Variants in TRHDE observed in about 807,000 individuals in gnomAD.
TRHDE encodes thyrotropin releasing hormone degrading enzyme.
In TRHDE, 72 loss-of-function variants were observed where a neutral mutation model predicts 125.7. That is an observed-to-expected ratio of 0.57 (90% CI 0.47 to 0.70). The LOEUF is 0.70. Ranked by LOEUF, TRHDE falls within the 30% of genes least tolerant of loss-of-function variation. The pLI is 0.00. For missense variants in TRHDE, 1,110 were observed against 1,327.1 expected (o/e 0.84, Z 2.54); for synonymous variants, 509 against 509.1 (o/e 1.00, Z 0.00).
At chr12:72,325,115 T>C (rs1230823458) in intron 2 of TRHDE, among the ~76,000 whole-genome samples, 4 of 151,854 alleles carry the variant, frequency 2.6e-5, no homozygotes, top group Admixed American at 6.6e-5. Flanking sequence ...TGAAACTCGG[T>C]GGAACTCTTT....
intron 3 of TRHDE, among the ~76,000 whole-genome samples, chr12:72,447,590 C>A (rs931346526): frequency 3.9e-5 from 6 of 152,024 alleles, no homozygotes; most frequent in Admixed American, 6.6e-5. Flanking sequence ...TTTATGAAAC[C>A]CTGATGGTGA....
At chr12:72,328,505 T>TGAG (rs1054104942) in intron 2 of TRHDE, among the ~76,000 whole-genome samples, 4 of 152,130 alleles carry the variant, frequency 2.6e-5, no homozygotes, top group African/African-American at 9.7e-5. Context: ...CATCATGATC[T>TGAG]GAGGAAGATA....
chr12:72,435,663 G>GT (rs1874709631), intron 3 of TRHDE, among the ~76,000 whole-genome samples: 1 of 144,240 alleles, frequency 6.9e-6, no homozygotes, highest in Non-Finnish European at 1.5e-5. Flanking sequence ...TTTTGTCAGA[G>GT]TTTTTTCTAT....
intron 2 of TRHDE, among the ~76,000 whole-genome samples, chr12:72,223,439 G>T (rs1039226546): frequency 6.6e-6 from 1 of 152,096 alleles, no homozygotes; most frequent in African/African-American, 2.4e-5. Flanking sequence ...AATAAAGTAG[G>T]CAGGGAAGAG....
chr12:72,149,244 A>G (rs1566247543), intron 2 of TRHDE, among the ~76,000 whole-genome samples: 1 of 152,150 alleles, frequency 6.6e-6, no homozygotes, highest in Non-Finnish European at 1.5e-5. Flanking sequence ...AAGGTAAGGT[A>G]TGTGATGCGT....
chr12:72,273,198 C>T lies in TRHDE; in HGVS notation c.555C>T (p.Arg185=). 6 of 1,602,772 alleles carry T rather than the reference C, an allele frequency of 3.7e-6. No individual in the cohort carries two copies. The highest frequency in any genetic ancestry group is 5.1e-6 in the Non-Finnish European group (6 of 1,172,002). The change falls in exon 1 of 19, where the codon CGC becomes CGT. Residue 185 remains arginine (R), a synonymous_variant. Transcript: ENST00000261180. This position sits in a 1 kb window ranked among gnomAD's most constrained non-coding sequence, Gnocchi z 5.3. The part of the protein sequence containing the change: ...REPWEPWTQL[R]LSGHLKPLHY... Reference sequence around the variant, plus strand: ...CGTGGGAGCCGTGGACGCAGCTGCGCCTGTCGGGCCACCTGAAGCCGCTGC... The same window carrying T: ...CGTGGGAGCCGTGGACGCAGCTGCGTCTGTCGGGCCACCTGAAGCCGCTGC...
At chr12:72,277,979 A>C (rs1340221683) in intron 1 of TRHDE, among the ~76,000 whole-genome samples, 1 of 152,170 alleles carries the variant, frequency 6.6e-6, no homozygotes, top group Non-Finnish European at 1.5e-5. Flanking sequence ...GCAGTTTTCA[A>C]GAATATAATA....
chr12:72,570,184 G>GAGT (rs1870650837), intron 10 of TRHDE, among the ~76,000 whole-genome samples: 2 of 152,192 alleles, frequency 1.3e-5, no homozygotes, highest in South Asian at 4.1e-4. Flanking sequence ...GATTCAGGAT[G>GAGT]AGTAATTCTG....
chr12:72,470,930 G>T (rs898418708), intron 4 of TRHDE, among the ~76,000 whole-genome samples: 19 of 132,322 alleles, frequency 1.4e-4, no homozygotes, highest in Non-Finnish European at 2.8e-4. Flanking sequence ...AGGCTGGAGT[G>T]CAGTGGTGCA....
chr12:72,657,666 C>G (rs1297822032), intron 18 of TRHDE, among the ~76,000 whole-genome samples: 2 of 152,052 alleles, frequency 1.3e-5, no homozygotes, highest in Admixed American at 6.6e-5. Context: ...TATGTTGTTT[C>G]TGGTTTATTA....
At chr12:72,464,702 A>C (rs1277979162) in intron 3 of TRHDE, among the ~76,000 whole-genome samples, 1 of 152,170 alleles carries the variant, frequency 6.6e-6, no homozygotes, top group Non-Finnish European at 1.5e-5. Context: ...GTTATTATAG[A>C]CACTAGCCTA....
intron 2 of TRHDE, among the ~76,000 whole-genome samples, chr12:72,131,563 T>C (rs1263440293): frequency 6.6e-6 from 1 of 152,202 alleles, no homozygotes; most frequent in Non-Finnish European, 1.5e-5. Context: ...CATAAGAGTA[T>C]TTTTATTTTG....
At chr12:72,434,970 C>T (rs1302864593) in intron 3 of TRHDE, among the ~76,000 whole-genome samples, 1 of 152,186 alleles carries the variant, frequency 6.6e-6, no homozygotes, top group Non-Finnish European at 1.5e-5. Context: ...TTAAATCTAC[C>T]TTACATGTTT....
At chr12:72,467,816 A>T (rs1173746377) in intron 3 of TRHDE, among the ~76,000 whole-genome samples, 2 of 152,248 alleles carry the variant, frequency 1.3e-5, no homozygotes, top group Admixed American at 1.3e-4. Flanking sequence ...CTCCATCTCA[A>T]ACAAACAAAA....
chr12:72,655,168 G>A (rs1034115170), intron 17 of TRHDE, among the ~76,000 whole-genome samples: 7 of 152,156 alleles, frequency 4.6e-5, no homozygotes, highest in African/African-American at 1.7e-4. Flanking sequence ...GACCTCCTGA[G>A]TTCAGGTGAT....
At chr12:72,165,650 T>G (rs1017355358) in intron 2 of TRHDE, among the ~76,000 whole-genome samples, 1 of 151,912 alleles carries the variant, frequency 6.6e-6, no homozygotes, top group Non-Finnish European at 1.5e-5. Flanking sequence ...ACTTAATATA[T>G]AATAAGTCAC....
rs949041651 is a variant in TRHDE at position 72,670,575 on chromosome 12, G to A, written c.*7380G>A. Reference sequence around the variant, plus strand: ...TGAAAATACATTTTTAAAATTTTGAGTATATATATTATAGAGGTCCATGCA... The same window carrying A: ...TGAAAATACATTTTTAAAATTTTGAATATATATATTATAGAGGTCCATGCA... On this transcript the variant is annotated 3_prime_UTR_variant, in exon 19 of 19. Transcript: ENST00000261180. 6.6e-6 allele frequency: 1 copy of A among 151,344 alleles called. No individual in the cohort carries two copies. The highest frequency in any genetic ancestry group is 2.4e-5 in the African/African-American group (1 of 41,236). 9.4% of individuals were successfully genotyped at this position (151,344 alleles called of 1,614,324 possible). A position where few individuals can be genotyped will look rare whatever the true frequency, so the allele number is the denominator to read the frequency against.
intron 2 of TRHDE, among the ~76,000 whole-genome samples, chr12:72,266,805 A>G (rs940110612): frequency 3.9e-5 from 6 of 152,084 alleles, no homozygotes; most frequent in Non-Finnish European, 7.4e-5. Context: ...CAACTCTGCC[A>G]TCTACTAATT....
At chr12:72,271,867 C>T (rs575750343), upstream of TRHDE, 2 of 454,490 alleles carry the variant, frequency 4.4e-6, no homozygotes, top group East Asian at 1.4e-4. Context: ...CACTTGTCAT[C>T]TCCGGAGGGC....
Sources: gnomAD v4.1 joint callset for allele counts (sites outside exome capture counted in the v4.1 genomes callset) on GRCh38, gnomAD v4.1.1 for gene constraint, Gnocchi (gnomAD v3.1) non-coding constraint, MANE v1.5 for transcripts, NCBI Gene and HGNC (gene_info 2026-07-23, HGNC 2026-07-21) for gene names.